ADCY1: variants seen among roughly 807,000 people sequenced by gnomAD.
ADCY1 encodes adenylate cyclase type 1.
ADCY1 carries 28 observed loss-of-function variants against 105.4 expected under a neutral mutation model. The ratio of observed to expected loss-of-function variants is 0.27; its 90% CI spans 0.20 to 0.36. The LOEUF (loss-of-function observed/expected upper bound fraction) is 0.36. ADCY1 is among the 10% of genes least tolerant of loss of function. The pLI is 1.00. For missense variants in ADCY1, 977 were observed against 1,434.2 expected (o/e 0.68, Z 5.15); for synonymous variants, 655 against 623.8 (o/e 1.05, Z -0.75).
intron 1 of ADCY1, among the ~76,000 whole-genome samples, chr7:45,576,416 G>C (rs1489266896): frequency 6.6e-6 from 1 of 152,132 alleles, no homozygotes; most frequent in Non-Finnish European, 1.5e-5. Flanking sequence ...CTTAGGGTCA[G>C]AGAGAGACCA....
intron 17 of ADCY1, among the ~76,000 whole-genome samples, chr7:45,706,690 G>GA (rs887678803): frequency 4.6e-5 from 7 of 152,012 alleles, no homozygotes; most frequent in African/African-American, 1.7e-4. Context: ...ATTCATGAAA[G>GA]AAAAAATTGG....
chr7:45,665,355 C>T (rs977205166), intron 8 of ADCY1, among the ~76,000 whole-genome samples: 19 of 152,110 alleles, frequency 1.2e-4, no homozygotes, highest in African/African-American at 4.1e-4. Context: ...AGGGTAGTTA[C>T]GCTCATCGCC....
intron 2 of ADCY1, among the ~76,000 whole-genome samples, chr7:45,604,440 G>A (rs910863311): frequency 3.9e-5 from 6 of 152,032 alleles, no homozygotes; most frequent in African/African-American, 1.4e-4. Context: ...GTTCTTATGT[G>A]TTTTTCTGAA....
chr7:45,704,438 G>C (rs1451846843), intron 16 of ADCY1, 80 bp from the exon 17 acceptor site: 1 of 1,255,680 alleles, frequency 8.0e-7, no homozygotes, highest in South Asian at 1.3e-5. Flanking sequence ...CGGCTCTGCT[G>C]TTGCTCCTGG....
chr7:45,696,268 C>G (rs1466647142), intron 14 of ADCY1, among the ~76,000 whole-genome samples: 1 of 151,856 alleles, frequency 6.6e-6, no homozygotes, highest in East Asian at 1.9e-4. Context: ...GAAATCCCGT[C>G]TCTACTAAAA....
chr7:45,592,993 AC>A, intron 2 of ADCY1, 85 bp downstream of exon 2: 1 of 1,552,234 alleles, frequency 6.4e-7, no homozygotes, highest in Non-Finnish European at 8.7e-7. Flanking sequence ...GCCTCAGTTT[AC>A]CCCGTGGTGA....
At chr7:45,622,605 G>A in intron 3 of ADCY1, 27 bp from the exon 4 acceptor site, 1 of 1,564,406 alleles carries the variant, frequency 6.4e-7, no homozygotes, top group Admixed American at 1.7e-5. Context: ...TGGGAGAAGG[G>A]CAGCCTGGCA....
chr7:45,711,644 T>TATATATACATACAC (rs1189707139), intron 19 of ADCY1, among the ~76,000 whole-genome samples: 2 of 51,490 alleles, frequency 3.9e-5, no homozygotes, highest in East Asian at 7.7e-4. Context: ...TATATATATA[T>TATATATACATACAC]ACACACACAC....
Position 45,597,814 on chromosome 7 carries a change from A to T in ADCY1, c.789+4906A>T, listed in dbSNP as rs370824068. Reference sequence around the variant, plus strand: ...GGCTCTGGAGAAGGGTGGGGTGGGGATGGGGGCTTGTCTGTTTCATTGCAC... The same window carrying T: ...GGCTCTGGAGAAGGGTGGGGTGGGGTTGGGGGCTTGTCTGTTTCATTGCAC... On this transcript the variant is annotated intron_variant, in intron 2 of 19. Transcript: ENST00000297323. Among the ~76,000 whole-genome samples, 17 of 149,362 alleles carry T rather than the reference A, an allele frequency of 1.1e-4. No homozygotes were observed. In the East Asian group the frequency reaches 2.1e-3, roughly 18 times the overall value.
chr7:45,634,630 CAT>C (rs1437576174), intron 4 of ADCY1, among the ~76,000 whole-genome samples: 1 of 152,152 alleles, frequency 6.6e-6, no homozygotes, highest in Admixed American at 6.6e-5. Context: ...GATAGTTTGA[CAT>C]ATGCTGTTTT....
Position 45,677,971 on chromosome 7 carries a change from A to G in ADCY1, c.1708A>G (p.Ser570Gly). The change falls in exon 9 of 20, where the codon AGC becomes GGC. Residue 570 changes from serine (S) to glycine (G), a missense_variant. Transcript: ENST00000297323. ...TPGTRVNRYI[S>G]RLLEARQTEL... Reference sequence around the variant, plus strand: ...GGGCACTCGCGTCAACAGGTACATCAGCCGCCTCTTAGAAGCCCGCCAGAC... The same window carrying G: ...GGGCACTCGCGTCAACAGGTACATCGGCCGCCTCTTAGAAGCCCGCCAGAC... 21 of 1,614,192 alleles carry G rather than the reference A, an allele frequency of 1.3e-5. No individual in the cohort carries two copies. The highest frequency in any genetic ancestry group is 1.8e-5 in the Non-Finnish European group (21 of 1,180,038).
chr7:45,652,510 T>C (rs1794836421), intron 5 of ADCY1, among the ~76,000 whole-genome samples: 1 of 152,264 alleles, frequency 6.6e-6, no homozygotes, highest in Admixed American at 6.5e-5. Flanking sequence ...GTCTTTTCCT[T>C]GTTGAACAAG....
chr7:45,586,247 C>G (rs560983029), intron 1 of ADCY1, among the ~76,000 whole-genome samples: 8 of 152,028 alleles, frequency 5.3e-5, no homozygotes, highest in Non-Finnish European at 1.0e-4. Context: ...GCCCTAACAC[C>G]CCCTTGGAAC....
chr7:45,677,264 A>G (rs948700773), intron 8 of ADCY1, among the ~76,000 whole-genome samples: 6 of 152,194 alleles, frequency 3.9e-5, no homozygotes, highest in African/African-American at 1.4e-4. Context: ...CTTCTCAAGT[A>G]TATTAAGTAC....
At chr7:45,711,091 G>T (rs1239182517) in intron 19 of ADCY1, among the ~76,000 whole-genome samples, 1 of 152,202 alleles carries the variant, frequency 6.6e-6, no homozygotes, top group East Asian at 1.9e-4. Flanking sequence ...CATGGTGGCT[G>T]ACACCCTCTA....
chr7:45,648,005 A>T (rs575890398), intron 4 of ADCY1, among the ~76,000 whole-genome samples: 7 of 152,232 alleles, frequency 4.6e-5, no homozygotes, highest in African/African-American at 9.6e-5. Flanking sequence ...GTTGACACTG[A>T]TTGATCCAAG....
Position 45,713,681 on chromosome 7 carries a change from C to T in ADCY1, c.3058-12C>T. On this transcript the variant is annotated splice_polypyrimidine_tract_variant and intron_variant, in intron 19 of 19. Transcript: ENST00000297323. The stretch of plus-strand genomic sequence containing the variant: ...TTGCCCTGAAGTAACACTCACTTCT[C>T]TCCATCAACAGGTGACTGAGGAAGT... 1 of 776,876 alleles carries T rather than the reference C, an allele frequency of 1.3e-6. No homozygotes were observed. The highest frequency in any genetic ancestry group is 2.4e-6 in the Non-Finnish European group (1 of 416,076). The allele number at this position is 776,876 out of a possible 1,614,324, so 48.1% of individuals were successfully genotyped here. A position where few individuals can be genotyped will look rare whatever the true frequency, so the allele number is the denominator to read the frequency against.
chr7:45,655,610 A>G (rs990998125), intron 5 of ADCY1, among the ~76,000 whole-genome samples: 3 of 152,236 alleles, frequency 2.0e-5, no homozygotes, highest in Non-Finnish European at 2.9e-5. Context: ...ATCTGATGTT[A>G]CCAAGAATTG....
chr7:45,707,723 G>C (rs1038964170), intron 17 of ADCY1, among the ~76,000 whole-genome samples: 8 of 152,144 alleles, frequency 5.3e-5, no homozygotes, highest in Non-Finnish European at 1.5e-5. Flanking sequence ...TCACACTTAG[G>C]TAAGATGTTA....
Sources: allele counts gnomAD v4.1 joint callset (sites outside exome capture counted in the v4.1 genomes callset), GRCh38; gene constraint gnomAD v4.1.1; transcripts MANE v1.5; gene names NCBI Gene and HGNC (gene_info 2026-07-23, HGNC 2026-07-21).